Variants in TLN2 observed in about 807,000 individuals in gnomAD.
TLN2 encodes the protein talin-2.
A neutral mutation model predicts 294.7 loss-of-function variants in TLN2; 118 were observed. The observed-to-expected ratio is 0.40, with a 90% CI of 0.34 to 0.47. TLN2 has a LOEUF of 0.47. Among genes scored for constraint, TLN2 ranks in the 20% least tolerant of loss-of-function variants. The probability of loss-of-function intolerance (pLI) is 0.84; values close to 1 mark genes in which losing one functional copy is unlikely to be tolerated. For missense variants in TLN2, 3,083 were observed against 3,282.2 expected, an observed-to-expected ratio of 0.94 and a Z score of 1.48; for synonymous variants, 1,431 against 1,304.5, an observed-to-expected ratio of 1.10 and a Z score of -2.09.
chr15:62,494,196 G>T (rs1212965605), intron 1 of TLN2, among the ~76,000 whole-genome samples: 2 of 152,038 alleles, frequency 1.3e-5, no homozygotes, highest in Non-Finnish European at 2.9e-5. Flanking sequence ...ATAGCCAAGG[G>T]GGTTCCAGGG....
intron 22 of TLN2, among the ~76,000 whole-genome samples, chr15:62,712,873 G>T (rs1018353441): frequency 6.6e-6 from 1 of 152,030 alleles, no homozygotes; most frequent in Admixed American, 6.5e-5. Flanking sequence ...ATTTCTTATA[G>T]AATTAATAGA....
At chr15:62,575,600 T>TAA (rs529499340) in intron 1 of TLN2, among the ~76,000 whole-genome samples, 17 of 96,478 alleles carry the variant, frequency 1.8e-4, no homozygotes, top group East Asian at 7.7e-4. Context: ...TGGAATCACT[T>TAA]AAAAAACACA....
chr15:62,476,911 T>G (rs2037812586), intron 1 of TLN2, among the ~76,000 whole-genome samples: 1 of 152,206 alleles, frequency 6.6e-6, no homozygotes, highest in Admixed American at 6.5e-5. Flanking sequence ...AATGTCTTCC[T>G]CCATCCCCAG....
At chr15:62,653,550 C>T (rs918700473) in intron 7 of TLN2, among the ~76,000 whole-genome samples, 5 of 151,992 alleles carry the variant, frequency 3.3e-5, no homozygotes, top group Admixed American at 3.3e-4. Flanking sequence ...ATGGTGAAAC[C>T]TCATCTCTAC....
intron 21 of TLN2, among the ~76,000 whole-genome samples, chr15:62,710,616 A>G (rs2059362319): frequency 6.6e-6 from 1 of 151,818 alleles, no homozygotes; most frequent in African/African-American, 2.4e-5. Context: ...TCCCTAAAGG[A>G]TAGCACATTT....
chr15:62,733,473 G>A (rs1356134511), intron 28 of TLN2, among the ~76,000 whole-genome samples: 4 of 152,204 alleles, frequency 2.6e-5, no homozygotes, highest in Admixed American at 1.3e-4. Flanking sequence ...TCTAATGCAA[G>A]TGTGTTTCTG....
chr15:62,443,137 T>G (rs577633499), intron 1 of TLN2, among the ~76,000 whole-genome samples: 1 of 152,344 alleles, frequency 6.6e-6, no homozygotes, highest in South Asian at 2.1e-4. Flanking sequence ...AAGTTCCTTT[T>G]GCCATGTAAG....
intron 32 of TLN2, among the ~76,000 whole-genome samples, chr15:62,746,116 T>C (rs759728578): frequency 6.0e-4 from 91 of 152,096 alleles, no homozygotes; most frequent in Non-Finnish European, 1.2e-3. Context: ...TTATAAACAC[T>C]TAGTTTTCAA....
At chr15:62,821,429 CAAAA>C (rs927683097) in intron 54 of TLN2, among the ~76,000 whole-genome samples, 7 of 152,138 alleles carry the variant, frequency 4.6e-5, no homozygotes, top group Non-Finnish European at 8.8e-5. Flanking sequence ...CTTTTCCCCT[CAAAA>C]AAGGGCTGGA....
chr15:62,690,072 ACGGGGCGGCCGGCCGGG>A (rs1341636914), intron 12 of TLN2, among the ~76,000 whole-genome samples: 7 of 93,376 alleles, frequency 7.5e-5, no homozygotes, highest in African/African-American at 3.1e-4. Context: ...CACCTCCCGG[ACGGGGCGGCCGGCCGGG>A]CGGGGGGCTG....
intron 22 of TLN2, among the ~76,000 whole-genome samples, chr15:62,715,367 A>T (rs995370437): frequency 2.0e-5 from 3 of 152,238 alleles, no homozygotes; most frequent in Admixed American, 2.0e-4. Context: ...CATAGGAAGA[A>T]ACTCATTGAT....
chr15:62,750,635 G>C (rs2061881893), intron 34 of TLN2, 144 bp downstream of exon 34: 1 of 694,614 alleles, frequency 1.4e-6, no homozygotes, highest in South Asian at 1.7e-5. Context: ...GGAGCCCTTT[G>C]CTCAGGAGCT....
intron 28 of TLN2, among the ~76,000 whole-genome samples, chr15:62,730,352 T>A (rs778276181): frequency 3.6e-4 from 55 of 152,120 alleles, no homozygotes; most frequent in Non-Finnish European, 7.5e-4. Context: ...ATGTTTTAAT[T>A]CTAGGTATAT....
intron 8 of TLN2, among the ~76,000 whole-genome samples, chr15:62,657,520 T>G (rs1000860778): frequency 1.3e-5 from 2 of 152,210 alleles, no homozygotes; most frequent in African/African-American, 4.8e-5. Flanking sequence ...GTCATCAGAC[T>G]TTGCTTTTGC....
intron 52 of TLN2, among the ~76,000 whole-genome samples, chr15:62,818,007 A>T (rs1186923737): frequency 6.6e-6 from 1 of 151,772 alleles, no homozygotes; most frequent in Admixed American, 6.6e-5. Flanking sequence ...ACGGAGCTTC[A>T]CCATGTTGGC....
intron 1 of TLN2, among the ~76,000 whole-genome samples, chr15:62,568,235 G>A (rs1286176815): frequency 6.6e-6 from 1 of 152,038 alleles, no homozygotes; most frequent in Non-Finnish European, 1.5e-5. Flanking sequence ...GAGGGGAGGG[G>A]ACAAACCTCC....
At chr15:62,818,144 G>A (rs2067264719) in intron 52 of TLN2, among the ~76,000 whole-genome samples, 1 of 152,072 alleles carries the variant, frequency 6.6e-6, no homozygotes, top group Non-Finnish European at 1.5e-5. Flanking sequence ...TGAGACATAG[G>A]CATTATCCCA....
At chr15:62,834,770 T>A (rs1422286754) in intron 55 of TLN2, 3 of 145,752 alleles carry the variant, frequency 2.1e-5, no homozygotes, top group Non-Finnish European at 4.5e-5. Flanking sequence ...GACAGATGTG[T>A]CATTGAACGG....
intron 1 of TLN2, among the ~76,000 whole-genome samples, chr15:62,458,854 C>G (rs1438247114): frequency 6.6e-6 from 1 of 152,164 alleles, no homozygotes; most frequent in African/African-American, 2.4e-5. Context: ...ATCAGCATTT[C>G]TTCCTTTTTG....
Sources: gnomAD v4.1 joint callset for allele counts (sites outside exome capture counted in the v4.1 genomes callset) on GRCh38, gnomAD v4.1.1 for gene constraint, MANE v1.5 for transcripts, NCBI Gene and HGNC (gene_info 2026-07-23, HGNC 2026-07-21) for gene names.